Variants in RUNDC3B observed in about 807,000 individuals in gnomAD.
The protein encoded by RUNDC3B is RUN domain-containing protein 3B.
RUNDC3B carries 33 observed loss-of-function variants against 58.4 expected under a neutral mutation model. The observed-to-expected ratio is 0.56, with a 90% CI of 0.43 to 0.75. RUNDC3B has a LOEUF of 0.75. RUNDC3B is among the 30% of genes least tolerant of loss of function. The probability of loss-of-function intolerance (pLI) is 0.00; values close to 1 mark genes in which losing one functional copy is unlikely to be tolerated. For synonymous variants in RUNDC3B, 193 were observed against 195.2 expected (o/e 0.99, Z 0.10); for missense variants, 501 against 535.7 (o/e 0.94, Z 0.64).
chr7:87,786,178 T>C (rs973509603), intron 8 of RUNDC3B, among the ~76,000 whole-genome samples: 9 of 152,146 alleles, frequency 5.9e-5, no homozygotes, highest in Non-Finnish European at 1.3e-4. Context: ...GTCCCCTGCC[T>C]CCTAAAAACG....
chr7:87,640,955 G>A (rs7799907), intron 1 of RUNDC3B, among the ~76,000 whole-genome samples: 2,201 of 152,064 alleles, frequency 0.014, 57 homozygotes, highest in African/African-American at 0.05. Flanking sequence ...TCTCTTGAAT[G>A]TATTACTCAC....
At chr7:87,665,514 A>C (rs1825136609) in intron 2 of RUNDC3B, among the ~76,000 whole-genome samples, 3 of 152,142 alleles carry the variant, frequency 2.0e-5, no homozygotes, top group Admixed American at 2.0e-4. Flanking sequence ...TACTACCCAA[A>C]GTGACCTATA....
chr7:87,814,320 G>A (rs1046229060), intron 9 of RUNDC3B, among the ~76,000 whole-genome samples: 13 of 151,948 alleles, frequency 8.6e-5, no homozygotes, highest in Non-Finnish European at 1.8e-4. Context: ...GGCTGGTCTT[G>A]AACTCCCGAC....
intron 6 of RUNDC3B, among the ~76,000 whole-genome samples, chr7:87,758,638 T>C (rs1833507888): frequency 6.6e-6 from 1 of 151,902 alleles, no homozygotes; most frequent in African/African-American, 2.4e-5. Flanking sequence ...GGAAAAAAAA[T>C]CAAATAATCC....
chr7:87,686,962 AAAAG>A (rs1307423687), intron 2 of RUNDC3B, among the ~76,000 whole-genome samples: 8 of 151,882 alleles, frequency 5.3e-5, no homozygotes, highest in African/African-American at 1.9e-4. Context: ...AAAAAAAAAA[AAAAG>A]AAAGAAAAGA....
chr7:87,793,510 G>A (rs1401526768), intron 8 of RUNDC3B, among the ~76,000 whole-genome samples: 1 of 152,068 alleles, frequency 6.6e-6, no homozygotes, highest in Non-Finnish European at 1.5e-5. Context: ...GGGATATAAG[G>A]ATGGTTCAAC....
intron 2 of RUNDC3B, among the ~76,000 whole-genome samples, chr7:87,692,328 G>T (rs745815948): frequency 6.6e-6 from 1 of 152,060 alleles, no homozygotes; most frequent in African/African-American, 2.4e-5. Context: ...CTGGTGGCAC[G>T]CACCTGTAGT....
chr7:87,668,223 A>G (rs899613479), intron 2 of RUNDC3B, among the ~76,000 whole-genome samples: 8 of 151,442 alleles, frequency 5.3e-5, no homozygotes, highest in African/African-American at 1.5e-4. Flanking sequence ...GAGAGAGTGT[A>G]TACGTCCAGG....
intron 2 of RUNDC3B, among the ~76,000 whole-genome samples, chr7:87,687,440 C>T (rs916180350): frequency 6.6e-6 from 1 of 152,166 alleles, no homozygotes; most frequent in African/African-American, 2.4e-5. Context: ...CCTCTTTCCC[C>T]TGAGTTACAT....
intron 4 of RUNDC3B, among the ~76,000 whole-genome samples, chr7:87,726,665 C>T (rs1348189071): frequency 1.3e-5 from 2 of 152,162 alleles, no homozygotes; most frequent in African/African-American, 4.8e-5. Flanking sequence ...GGCATTGAAT[C>T]TATAAATTAC....
chr7:87,760,049 T>A (rs1451218991), intron 6 of RUNDC3B, among the ~76,000 whole-genome samples: 3 of 151,462 alleles, frequency 2.0e-5, no homozygotes. Flanking sequence ...TATAGTTGGG[T>A]TTTGTTCTGT....
In RUNDC3B at chr7:87,770,694, G is replaced by C; in HGVS notation, c.743G>C (p.Trp248Ser). The change falls in exon 7 of 11, where the codon TGG becomes TCG. Residue 248 changes from tryptophan (W) to serine (S), a missense_variant. By Grantham distance (177) the Trp-to-Ser change is radical. Transcript: ENST00000394654. Reference sequence around the variant, plus strand: ...CCTTTCCTCATGGATGAGAACAGTTGGTTCAACAAGTGTAAGAGAGTTAAA... The same window carrying C: ...CCTTTCCTCATGGATGAGAACAGTTCGTTCAACAAGTGTAAGAGAGTTAAA... ...GPPFLMDENS[W>S]FNKCKRVKQK... 1 of 1,613,522 alleles carries C rather than the reference G, an allele frequency of 6.2e-7. No homozygotes were observed. Among genetic ancestry groups the C allele is most frequent in the Non-Finnish European group, 8.5e-7 (1 of 1,179,590 alleles).
chr7:87,753,233 G>T (rs1288529501), intron 6 of RUNDC3B, among the ~76,000 whole-genome samples: 1 of 151,130 alleles, frequency 6.6e-6, no homozygotes, highest in East Asian at 1.9e-4. Context: ...ACTGTGGTCT[G>T]AGAGATAGTT....
At chr7:87,689,268 T>A (rs1484801996) in intron 2 of RUNDC3B, among the ~76,000 whole-genome samples, 1 of 152,108 alleles carries the variant, frequency 6.6e-6, no homozygotes, top group Non-Finnish European at 1.5e-5. Flanking sequence ...AAATTGATGA[T>A]CTCTGATGGT....
intron 4 of RUNDC3B, among the ~76,000 whole-genome samples, chr7:87,739,574 G>A (rs2130809427): frequency 6.6e-6 from 1 of 151,958 alleles, no homozygotes; most frequent in East Asian, 1.9e-4. Flanking sequence ...TATATTGGCA[G>A]GTTTTAGTTT....
chr7:87,807,532 C>A lies in RUNDC3B; in HGVS notation c.1103+13C>A. On this transcript the variant is annotated intron_variant, in intron 9 of 10. Transcript: ENST00000394654. ...AACAGTGGTATGAGTAAGTGTAATA[C>A]TTTTTTTTCCAACTAATTAATAGTT... 1 of 1,602,774 alleles carries A rather than the reference C, an allele frequency of 6.2e-7. No homozygotes were observed. Among genetic ancestry groups the A allele is most frequent in the Non-Finnish European group, 8.5e-7 (1 of 1,170,190 alleles).
intron 8 of RUNDC3B, among the ~76,000 whole-genome samples, chr7:87,799,725 A>G (rs1399643602): frequency 6.6e-6 from 1 of 152,040 alleles, no homozygotes; most frequent in Non-Finnish European, 1.5e-5. Context: ...CGTCTCTACT[A>G]AAAGTACAAA....
intron 1 of RUNDC3B, among the ~76,000 whole-genome samples, chr7:87,633,804 C>T (rs1176625343): frequency 6.6e-6 from 1 of 151,966 alleles, no homozygotes; most frequent in African/African-American, 2.4e-5. Context: ...GGGAGAAATG[C>T]AGATATGTGA....
intron 8 of RUNDC3B, among the ~76,000 whole-genome samples, chr7:87,799,820 AG>A (rs1836029059): frequency 7.0e-6 from 1 of 142,504 alleles, no homozygotes; most frequent in African/African-American, 2.6e-5. Flanking sequence ...TGGAAGGCGG[AG>A]GTTGCAGTGA....
Sources: allele counts gnomAD v4.1 joint callset (sites outside exome capture counted in the v4.1 genomes callset), GRCh38; gene constraint gnomAD v4.1.1; transcripts MANE v1.5; gene names NCBI Gene and HGNC (gene_info 2026-07-23, HGNC 2026-07-21).